The following PCDHGA1 variants were observed in gnomAD, a reference collection of about 807,000 sequenced individuals.
The protein encoded by PCDHGA1 is protocadherin gamma subfamily A, 1.
PCDHGA1 carries 32 observed loss-of-function variants against 58.0 expected under a neutral mutation model. The observed-to-expected ratio is 0.55, with a 90% CI of 0.42 to 0.74. PCDHGA1 has a LOEUF of 0.74. PCDHGA1 is among the 30% of genes least tolerant of loss of function. The pLI, the probability that PCDHGA1 is intolerant of heterozygous loss-of-function variation, is 0.00. For missense variants in PCDHGA1, 1,205 were observed against 1,182.3 expected, an observed-to-expected ratio of 1.02 and a Z score of -0.28; for synonymous variants, 498 against 501.1, an observed-to-expected ratio of 0.99 and a Z score of 0.08.
intron 1 of PCDHGA1, chr5:141,344,903 G>A (rs750934380): frequency 6.2e-7 from 1 of 1,613,876 alleles, no homozygotes; most frequent in East Asian, 2.2e-5. Flanking sequence ...AAATCGCTGA[G>A]ATTTTCCATC....
intron 1 of PCDHGA1, chr5:141,377,279 A>T (rs1256145515): frequency 1.3e-5 from 2 of 152,110 alleles, no homozygotes; most frequent in Admixed American, 1.3e-4. Flanking sequence ...TGGGAAAAAA[A>T]ATAACCTTAA....
intron 1 of PCDHGA1, among the ~76,000 whole-genome samples, chr5:141,362,988 G>A (rs1762757672): frequency 6.6e-6 from 1 of 152,224 alleles, no homozygotes; most frequent in South Asian, 2.1e-4. Flanking sequence ...TTGCATAATG[G>A]CATGGCTTGT....
In PCDHGA1 at chr5:141,419,638, C is replaced by T. The variant is rs191182165; in HGVS notation, c.2422-75169C>T. On this transcript the variant is annotated intron_variant, in intron 1 of 3. Coordinates refer to ENST00000517417, the MANE Select transcript of PCDHGA1 (RefSeq NM_018912.3). Reference sequence around the variant, plus strand: ...GCTACCTGGTGACCAAGGTGGTGGCCGTGGACGCGGACTCGGGGCACAATG... The same window carrying T: ...GCTACCTGGTGACCAAGGTGGTGGCTGTGGACGCGGACTCGGGGCACAATG... The T allele has an allele frequency of 4.9e-3, 7,979 of 1,612,456 alleles. 44 individuals are homozygous for T. Among genetic ancestry groups the T allele is most frequent in the Admixed American group, 9.5e-3 (568 of 60,000 alleles).
At chr5:141,423,679 C>T in intron 1 of PCDHGA1, 2 of 1,487,594 alleles carry the variant, frequency 1.3e-6, no homozygotes, top group South Asian at 1.3e-5. Context: ...TATTTCTCTG[C>T]CTCCTAATTG....
chr5:141,489,696 C>T lies in PCDHGA1; in HGVS notation c.2422-5111C>T. On this transcript the variant is annotated intron_variant, in intron 1 of 3. Transcript: ENST00000517417. This position sits in a 1 kb window ranked among gnomAD's most constrained non-coding sequence, Gnocchi z 4.5. ...AATCAGCAGCATCTGGGGCACGATT[C>T]CCACTGGACAGTGCCCAGGATCCGG... 6.2e-7 allele frequency: 1 copy of T among 1,614,170 alleles called. No homozygotes were observed. Among genetic ancestry groups the T allele is most frequent in the Non-Finnish European group, 8.5e-7 (1 of 1,180,002 alleles).
rs746949700 is a variant in PCDHGA1, at chr5:141,361,054, T to G, written c.2421+27949T>G. On this transcript the variant is annotated intron_variant, in intron 1 of 3. Transcript: ENST00000517417. Reference sequence around the variant, plus strand: ...AGGAGAAATCACGACAAAGGATGATTTGGATTTTGAGATTGCAAGTAGTTA... The same window carrying G: ...AGGAGAAATCACGACAAAGGATGATGTGGATTTTGAGATTGCAAGTAGTTA... The G allele has an allele frequency of 3.7e-6, 6 of 1,613,700 alleles. No individual in the cohort carries two copies. In the African/African-American group the frequency reaches 6.7e-5, roughly 18 times the overall value.
chr5:141,408,597 A>G (rs1389452276), intron 1 of PCDHGA1: 1 of 1,614,042 alleles, frequency 6.2e-7, no homozygotes, highest in Non-Finnish European at 8.5e-7. Context: ...CACGCCCCTC[A>G]ATTTGATAAA....
intron 1 of PCDHGA1, among the ~76,000 whole-genome samples, chr5:141,338,404 G>C (rs918851211): frequency 6.6e-6 from 1 of 152,164 alleles, no homozygotes; most frequent in Non-Finnish European, 1.5e-5. Context: ...CGTAGCTAAC[G>C]TTTCTTAATT....
At position 141,481,880 on chromosome 5, in the gene PCDHGA1, C is replaced by T. The variant is rs555652518; in HGVS notation, c.2422-12927C>T. Among the ~76,000 whole-genome samples, 5 of 145,406 alleles carry T rather than the reference C, an allele frequency of 3.4e-5. No individual in the cohort carries two copies. The East Asian group carries it at 1.0e-3, about 29-fold the overall frequency. On this transcript the variant is annotated intron_variant, in intron 1 of 3. Transcript: ENST00000517417. ...AGTGAGCCGAGATCGCGCCACTGCA[C>T]TCCAGCCTGGGTGAAAGAGCGAAAC...
chr5:141,470,738 C>T lies in PCDHGA1; in HGVS notation c.2422-24069C>T, dbSNP rs117476356. On this transcript the variant is annotated intron_variant, in intron 1 of 3. Transcript: ENST00000517417. ...TTTGAGTCAGGGTCTTGCTCTGTCG[C>T]CCTGGCTGGAGTGCAGTGGACTCAC... Among the ~76,000 whole-genome samples the T allele has an allele frequency of 1.9e-3, 295 of 152,226 alleles. 7 individuals carry two copies. In the East Asian group the frequency reaches 0.046, roughly 24 times the overall value.
At chr5:141,414,085 G>C (rs1459185694) in intron 1 of PCDHGA1, 1 of 1,600,126 alleles carries the variant, frequency 6.2e-7, no homozygotes, top group Non-Finnish European at 8.5e-7. Context: ...ATATACTGGA[G>C]AAATAAAAAT....
At chr5:141,473,330 C>T (rs1431360397) in intron 1 of PCDHGA1, among the ~76,000 whole-genome samples, 2 of 152,208 alleles carry the variant, frequency 1.3e-5, no homozygotes, top group East Asian at 3.8e-4. Flanking sequence ...TAAGTGCCTG[C>T]TGTGCTAGAC....
At chr5:141,374,748 G>A (rs372161900) in intron 1 of PCDHGA1, 115 of 1,611,770 alleles carry the variant, frequency 7.1e-5, no homozygotes, top group Non-Finnish European at 8.7e-5. Flanking sequence ...GACCCTGTCC[G>A]CTCAAGCGTC....
At chr5:141,341,605 A>G in intron 1 of PCDHGA1, 2 of 980,126 alleles carry the variant, frequency 2.0e-6, no homozygotes, top group Non-Finnish European at 2.9e-6. Context: ...CAATGAATGT[A>G]AACCAGGAGT....
intron 1 of PCDHGA1, chr5:141,389,498 A>C: frequency 6.2e-7 from 1 of 1,613,046 alleles, no homozygotes; most frequent in African/African-American, 1.3e-5. Context: ...AGGGCTCGCC[A>C]GCGCTCAGCG....
At chr5:141,403,591 G>C in intron 1 of PCDHGA1, 2 of 1,613,836 alleles carry the variant, frequency 1.2e-6, no homozygotes, top group South Asian at 1.1e-5. Flanking sequence ...TGGTCCTCAC[G>C]GCCTCGGATG....
At position 141,485,142 on chromosome 5, in the gene PCDHGA1, A is replaced by C. The variant is rs979255582; in HGVS notation, c.2422-9665A>C. 5 of 1,554,566 alleles carry C rather than the reference A, an allele frequency of 3.2e-6. No homozygotes were observed. The highest frequency in any genetic ancestry group is 3.5e-6 in the Non-Finnish European group (4 of 1,131,592). On this transcript the variant is annotated intron_variant, in intron 1 of 3. Transcript: ENST00000517417. The surrounding 1 kb of genome is among the most constrained non-coding windows in gnomAD (Gnocchi z 5.7). ...GGCGGGTCGGCTTCATCCGCGTCTC[A>C]GGAGCAAGTAGAGAATTAGCGGGCG... is the stretch of plus-strand genomic sequence containing the variant.
In PCDHGA1 at chr5:141,431,494, C is replaced by A; in HGVS notation, c.2422-63313C>A. 6.2e-7 allele frequency: 1 copy of A among 1,613,956 alleles called. No homozygotes were observed. Among genetic ancestry groups the A allele is most frequent in the Middle Eastern group, 1.6e-4 (1 of 6,062 alleles). On this transcript the variant is annotated intron_variant, in intron 1 of 3. Coordinates refer to ENST00000517417, the MANE Select transcript of PCDHGA1 (RefSeq NM_018912.3). This position sits in a 1 kb window ranked among gnomAD's most constrained non-coding sequence, Gnocchi z 4.8. Reference sequence around the variant, plus strand: ...ACAACGCACCAGCGTTTGCTCAGCCCGAGTACCGCGCGAGCGTTCCGGAGA... The same window carrying A: ...ACAACGCACCAGCGTTTGCTCAGCCAGAGTACCGCGCGAGCGTTCCGGAGA...
chr5:141,424,052 G>A, intron 1 of PCDHGA1: 1 of 1,012,010 alleles, frequency 9.9e-7, no homozygotes, highest in South Asian at 4.7e-5. Flanking sequence ...CAATTTTGCT[G>A]TGCCTTCACT....
Sources: gnomAD v4.1 joint callset for allele counts (sites outside exome capture counted in the v4.1 genomes callset) on GRCh38, gnomAD v4.1.1 for gene constraint, Gnocchi (gnomAD v3.1) non-coding constraint, MANE v1.5 for transcripts, NCBI Gene and HGNC (gene_info 2026-07-23, HGNC 2026-07-21) for gene names.